FAM114A2: variants seen among roughly 807,000 people sequenced by gnomAD.
FAM114A2 encodes protein FAM114A2.
A neutral mutation model predicts 58.4 loss-of-function variants in FAM114A2; 53 were observed. That is an observed-to-expected ratio of 0.91 (90% CI 0.73 to 1.14). FAM114A2 has a LOEUF of 1.14. FAM114A2 is among the 50% of genes most tolerant of loss of function. The probability of loss-of-function intolerance (pLI) is 0.00; values close to 1 mark genes in which losing one functional copy is unlikely to be tolerated. For synonymous variants in FAM114A2, 228 were observed against 211.4 expected (o/e 1.08, Z -0.68); for missense variants, 601 against 581.1 (o/e 1.03, Z -0.35).
chr5:154,021,624 AC>A, intron 8 of FAM114A2, among the ~76,000 whole-genome samples: 1 of 152,326 alleles, frequency 6.6e-6, no homozygotes, highest in Non-Finnish European at 1.5e-5. Flanking sequence ...AGAACCACAA[AC>A]CACTGCTCAA....
chr5:154,035,989 T>C (rs1340852529), intron 1 of FAM114A2, among the ~76,000 whole-genome samples: 2 of 152,226 alleles, frequency 1.3e-5, no homozygotes, highest in African/African-American at 2.4e-5. Flanking sequence ...TATATCCTTG[T>C]CAGTGAAATA....
chr5:154,005,250 T>C (rs950105213), intron 9 of FAM114A2, among the ~76,000 whole-genome samples: 1 of 152,178 alleles, frequency 6.6e-6, no homozygotes, highest in Non-Finnish European at 1.5e-5. Context: ...AGGTTCTAGA[T>C]TCTCCTTAGT....
In FAM114A2 at chr5:154,030,862, TGA is replaced by T. The variant is rs374509282; in HGVS notation, c.404-1284_404-1283del. 2.8e-4 allele frequency among the ~76,000 whole-genome samples: 42 copies of T among 152,284 alleles called. No homozygotes were observed. The East Asian group carries it at 7.3e-3, about 27-fold the overall frequency. ...GCAATCCCCAGAGCTCACGCTAGGC[TGA>T]GAGACATTTGACCTCCAACCACAAA... On this transcript the variant is annotated intron_variant, in intron 4 of 13. Coordinates refer to ENST00000351797, the MANE Select transcript of FAM114A2 (RefSeq NM_018691.4).
At chr5:154,007,043 C>A (rs533423130) in intron 9 of FAM114A2, among the ~76,000 whole-genome samples, 1 of 152,126 alleles carries the variant, frequency 6.6e-6, no homozygotes, top group African/African-American at 2.4e-5. Context: ...GATCTACCCA[C>A]CTTGGCCTCC....
chr5:154,024,298 A>G (rs999995917), intron 8 of FAM114A2, among the ~76,000 whole-genome samples: 1 of 152,272 alleles, frequency 6.6e-6, no homozygotes, highest in Admixed American at 6.5e-5. Flanking sequence ...ATACATATAA[A>G]AAGTTATAAA....
chr5:154,024,884 T>C (rs1771675975), intron 8 of FAM114A2, among the ~76,000 whole-genome samples: 1 of 152,150 alleles, frequency 6.6e-6, no homozygotes, highest in Non-Finnish European at 1.5e-5. Context: ...ACCAATTTCA[T>C]AAGAAGAGTC....
chr5:154,027,887 A>G (rs1268933398), intron 6 of FAM114A2, among the ~76,000 whole-genome samples: 1 of 152,128 alleles, frequency 6.6e-6, no homozygotes. Flanking sequence ...ACAAACAAAC[A>G]AACAAACAAA....
chr5:154,034,495 A>AT (rs1287898828), intron 2 of FAM114A2, 118 bp from the exon 3 acceptor site: 2 of 661,772 alleles, frequency 3.0e-6, no homozygotes, highest in African/African-American at 3.6e-5. Flanking sequence ...GAACAAATAC[A>AT]TATTATTTAG....
At chr5:153,997,632 G>T (rs983123808) in intron 12 of FAM114A2, among the ~76,000 whole-genome samples, 171 bp downstream of exon 12, 1 of 152,170 alleles carries the variant, frequency 6.6e-6, no homozygotes, top group Admixed American at 6.5e-5. Flanking sequence ...TTTGGGGAAG[G>T]CTGATGAAAA....
At chr5:154,001,633 C>A (rs1219283647) in intron 11 of FAM114A2, among the ~76,000 whole-genome samples, 3 of 152,114 alleles carry the variant, frequency 2.0e-5, no homozygotes, top group African/African-American at 7.2e-5. Context: ...TTAATCAGGA[C>A]ATTTGCTTAG....
intron 6 of FAM114A2, chr5:154,027,573 T>C: frequency 3.0e-6 from 1 of 336,760 alleles, no homozygotes; most frequent in Admixed American, 4.5e-5. Context: ...CGATCTCTGC[T>C]CACTGCAACC....
chr5:154,000,617 C>T (rs1055528566), intron 11 of FAM114A2, among the ~76,000 whole-genome samples: 1 of 152,132 alleles, frequency 6.6e-6, no homozygotes, highest in Non-Finnish European at 1.5e-5. Context: ...GGACTTAAAA[C>T]ATAACCCATA....
chr5:154,014,621 G>A (rs955848596), intron 8 of FAM114A2, among the ~76,000 whole-genome samples: 1 of 152,172 alleles, frequency 6.6e-6, no homozygotes, highest in Non-Finnish European at 1.5e-5. Context: ...GTGAAATACA[G>A]GGGTAGAGGA....
In FAM114A2 at chr5:154,028,250, A is replaced by G. The variant is rs1156784212; in HGVS notation, c.529T>C (p.Leu177=). 1 of 1,607,558 alleles carries G rather than the reference A, an allele frequency of 6.2e-7. No homozygotes were observed. The highest frequency in any genetic ancestry group is 1.1e-5 in the South Asian group (1 of 90,766). ...KSVISGGLDA[L]EFIGKKTMDV... ...ATTGTCTTTTTTCCAATGAATTCTA[A>G]GGCATCCAAACCCCCACTTATAACA... Residue 177 remains leucine (L), a synonymous_variant, in exon 6 of 14, where the codon TTA becomes CTA. Coordinates refer to ENST00000351797, the MANE Select transcript of FAM114A2 (RefSeq NM_018691.4).
At position 154,002,262 on chromosome 5, in the gene FAM114A2, T is replaced by C. The variant is rs199742756; in HGVS notation, c.1245A>G (p.Gln415=). The change falls in exon 11 of 14, where the codon CAA becomes CAG. Residue 415 remains glutamine (Q), a synonymous_variant. Coordinates refer to ENST00000351797, the MANE Select transcript of FAM114A2 (RefSeq NM_018691.4). ...CTCATTACACTTACTGGGAAAGAGT[T>C]TGGCTCCTTTCTATGGCTGTCACTT... ...KQEVTAIERS[Q]TLSQMTIVLC... is the part of the protein sequence containing the mutation. The C allele has an allele frequency of 6.2e-6, 10 of 1,613,728 alleles. No homozygotes were observed. The highest frequency in any genetic ancestry group is 8.5e-6 in the Non-Finnish European group (10 of 1,179,746).
chr5:154,001,563 CT>C (rs1387966677), intron 11 of FAM114A2, among the ~76,000 whole-genome samples: 1 of 152,194 alleles, frequency 6.6e-6, no homozygotes, highest in Non-Finnish European at 1.5e-5. Flanking sequence ...CTGACAGCCC[CT>C]CCCAGTTCTA....
At chr5:153,997,976 A>C (rs1018768987) in intron 11 of FAM114A2, 101 bp from the exon 12 acceptor site, 1 of 696,412 alleles carries the variant, frequency 1.4e-6, no homozygotes, top group African/African-American at 1.8e-5. Flanking sequence ...CTGGTACTAA[A>C]TGTGAAAGAA....
intron 8 of FAM114A2, among the ~76,000 whole-genome samples, chr5:154,011,933 A>G (rs1370540284): frequency 6.6e-6 from 1 of 152,206 alleles, no homozygotes; most frequent in East Asian, 1.9e-4. Flanking sequence ...TCCAGATAAT[A>G]AAGGCCATAT....
Position 154,006,751 on chromosome 5 carries a change from A to C in FAM114A2, c.994-3782T>G, listed in dbSNP as rs540813609. ...AGAAAAATGGAGAGTGATAGACCAC[A>C]TAAAAGAAAAAACGGATACCATAAA... On this transcript the variant is annotated intron_variant, in intron 9 of 13. Transcript: ENST00000351797. 2.6e-5 allele frequency among the ~76,000 whole-genome samples: 4 copies of C among 152,252 alleles called. No homozygotes were observed. In the East Asian group the frequency reaches 7.7e-4, roughly 29 times the overall value.
Sources: gnomAD v4.1 joint callset for allele counts (sites outside exome capture counted in the v4.1 genomes callset) on GRCh38, gnomAD v4.1.1 for gene constraint, MANE v1.5 for transcripts, NCBI Gene and HGNC (gene_info 2026-07-23, HGNC 2026-07-21) for gene names.